CHRNA1: variants seen among roughly 807,000 people sequenced by gnomAD.
The protein encoded by CHRNA1 is cholinergic receptor nicotinic alpha 1 subunit, also known as acetylcholine receptor subunit alpha.
CHRNA1 carries 35 observed loss-of-function variants against 47.1 expected under a neutral mutation model. The ratio of observed to expected loss-of-function variants is 0.74; its 90% confidence interval spans 0.57 to 0.99. The LOEUF (loss-of-function observed/expected upper bound fraction) is 0.99, where lower values mean the gene tolerates loss of function less well. Ranked by LOEUF, CHRNA1 falls within the 50% of genes least tolerant of loss-of-function variation. The pLI, the probability that CHRNA1 is intolerant of heterozygous loss-of-function variation, is 0.00. For synonymous variants in CHRNA1, 229 were observed against 223.6 expected, an observed-to-expected ratio of 1.02 and a Z score of -0.22; for missense variants, 506 against 591.1, an observed-to-expected ratio of 0.86 and a Z score of 1.49.
chr2:174,762,067 C>G (rs534493637), intron 1 of CHRNA1, among the ~76,000 whole-genome samples: 1 of 152,326 alleles, frequency 6.6e-6, no homozygotes, highest in African/African-American at 2.4e-5. Context: ...ATGACAGAAG[C>G]AGACATAATC....
chr2:174,759,233 G>T, intron 3 of CHRNA1, 98 bp downstream of exon 3: 1 of 1,247,144 alleles, frequency 8.0e-7, no homozygotes, highest in Non-Finnish European at 1.2e-6. Context: ...TCAACATTTT[G>T]GTATATATCC....
rs1683766245 is a variant in CHRNA1 at position 174,748,055 on chromosome 2, A to C, written c.*69T>G. 1 of 1,599,330 alleles carries C rather than the reference A, an allele frequency of 6.3e-7. No individual in the cohort carries two copies. Among genetic ancestry groups the C allele is most frequent in the African/African-American group, 1.3e-5 (1 of 74,622 alleles). On this transcript the variant is annotated 3_prime_UTR_variant, in exon 9 of 9. Transcript: ENST00000348749. ...AAGTGCGAGTGGAGCAAGTAGACAA[A>C]TCTTCCTCTCCTGCCCTTCTCTGCT...
chr2:174,750,187 A>G lies in CHRNA1; in HGVS notation c.779-18T>C. ...CTTCTCCCCTGAAAAGACCAAAAAA[A>G]AAAAAAAAAATCCCACAACTACCCA... On this transcript the variant is annotated intron_variant, in intron 6 of 8. Coordinates refer to ENST00000348749, the MANE Select transcript of CHRNA1 (RefSeq NM_000079.4). 6.3e-7 allele frequency: 1 copy of G among 1,599,766 alleles called. No homozygotes were observed. Among genetic ancestry groups the G allele is most frequent in the African/African-American group, 1.3e-5 (1 of 74,688 alleles).
intron 1 of CHRNA1, 104 bp downstream of exon 1, chr2:174,764,248 G>T: frequency 8.2e-7 from 1 of 1,216,114 alleles, no homozygotes; most frequent in Non-Finnish European, 1.2e-6. Context: ...GGGAGGCTCT[G>T]CCATTCTGTG....
intron 5 of CHRNA1, 116 bp downstream of exon 5, chr2:174,754,103 T>C: frequency 2.0e-6 from 2 of 978,300 alleles, no homozygotes; most frequent in South Asian, 1.3e-5. Flanking sequence ...ACCATCAAAC[T>C]AGATGATTCC....
intron 4 of CHRNA1, among the ~76,000 whole-genome samples, chr2:174,756,375 G>C (rs1683980568): frequency 6.6e-6 from 1 of 152,142 alleles, no homozygotes; most frequent in African/African-American, 2.4e-5. Context: ...CATAAATCAA[G>C]AGGTTTTCTT....
At chr2:174,749,041 T>C (rs1018512733) in intron 7 of CHRNA1, among the ~76,000 whole-genome samples, 1 of 152,200 alleles carries the variant, frequency 6.6e-6, no homozygotes, top group African/African-American at 2.4e-5. Flanking sequence ...GATTCTGTAA[T>C]GTGAGAAGTT....
chr2:174,747,880 G>A lies in CHRNA1; in HGVS notation c.*244C>T. The A allele has an allele frequency of 2.1e-6, 1 of 483,652 alleles. No homozygotes were observed. The highest frequency in any genetic ancestry group is 3.7e-6 in the Non-Finnish European group (1 of 268,310). 30.0% of individuals were successfully genotyped at this position (483,652 alleles called of 1,614,324 possible). On this transcript the variant is annotated 3_prime_UTR_variant, in exon 9 of 9. Coordinates refer to ENST00000348749, the MANE Select transcript of CHRNA1 (RefSeq NM_000079.4). ...ACACTGGAAATGAACACTTTTTTTA[G>A]TGATTAGTTTCATTTACTAAAGAGG...
intron 7 of CHRNA1, 84 bp from the exon 8 acceptor site, chr2:174,748,903 T>G: frequency 6.4e-7 from 1 of 1,564,074 alleles, no homozygotes; most frequent in South Asian, 1.1e-5. Flanking sequence ...TCAATGTGAT[T>G]TGGGGTAAGT....
chr2:174,757,507 A>G (rs1684003692), intron 4 of CHRNA1, 59 bp downstream of exon 4: 1 of 1,224,456 alleles, frequency 8.2e-7, no homozygotes, highest in South Asian at 1.2e-5. Context: ...CCCTTCTATT[A>G]GGGCACTTTA....
chr2:174,757,337 G>A (rs1368230830), intron 4 of CHRNA1, among the ~76,000 whole-genome samples: 1 of 150,996 alleles, frequency 6.6e-6, no homozygotes, highest in Non-Finnish European at 1.5e-5. Flanking sequence ...TTTTAATTTT[G>A]TAGAGATGTT....
intron 1 of CHRNA1, 53 bp downstream of exon 1, chr2:174,764,299 G>C: frequency 6.3e-7 from 1 of 1,583,218 alleles, no homozygotes; most frequent in East Asian, 2.3e-5. Flanking sequence ...GGGGCCTCCA[G>C]CACTTTAGCC....
At chr2:174,760,064 G>A (rs1684073312) in intron 1 of CHRNA1, among the ~76,000 whole-genome samples, 1 of 152,150 alleles carries the variant, frequency 6.6e-6, no homozygotes, top group Non-Finnish European at 1.5e-5. Flanking sequence ...AGCCAAAATT[G>A]ATGCTGGTTC....
chr2:174,748,589 C>G lies in CHRNA1; in HGVS notation c.1233G>C (p.Glu411Asp), dbSNP rs61737716. 6.2e-7 allele frequency: 1 copy of G among 1,612,426 alleles called. No homozygotes were observed. The highest frequency in any genetic ancestry group is 8.5e-7 in the Non-Finnish European group (1 of 1,178,698). Residue 411 changes from glutamate to aspartate, a missense_variant, in exon 8 of 9, where the codon GAG (glutamate) becomes GAC (aspartate). By Grantham distance (45) the Glu-to-Asp change is conservative (BLOSUM62 2). Transcript: ENST00000348749. ...YIAETMKSDQESNNAAAEWKY... is the reference protein window; with the variant it reads ...YIAETMKSDQDSNNAAAEWKY... ...AAGCCACGAAGCTTACATTGTTAGA[C>G]TCCTGGTCTGACTTCATGGTCTCTG... is the stretch of plus-strand genomic sequence containing the variant.
intron 4 of CHRNA1, among the ~76,000 whole-genome samples, chr2:174,754,873 C>CCTACTACT (rs1284875906): frequency 1.3e-5 from 2 of 150,472 alleles, no homozygotes; most frequent in Admixed American, 1.3e-4. Flanking sequence ...AGGGAAGGGG[C>CCTACTACT]CTACTACTCT....
chr2:174,762,771 C>T (rs1442128012), intron 1 of CHRNA1, among the ~76,000 whole-genome samples: 1 of 152,180 alleles, frequency 6.6e-6, no homozygotes, highest in Non-Finnish European at 1.5e-5. Flanking sequence ...ATTTTGTCTA[C>T]AAAGGACTGA....
rs1684006081 is a variant in CHRNA1 at position 174,757,583 on chromosome 2, G to A, written c.327C>T (p.Asp109=). 2 of 1,613,802 alleles carry A rather than the reference G, an allele frequency of 1.2e-6. No individual in the cohort carries two copies. The highest frequency in any genetic ancestry group is 2.7e-5 in the African/African-American group (2 of 74,904). ...TTGCTCACTTGTTATAGAGAACAAG[G>A]TCTGGGCGCCAGATCTTTTCTGAAG... ...HIPSEKIWRP[D]LVLYNNADGD... is the part of the protein sequence containing the mutation. Residue 109 remains aspartate (D), a synonymous_variant, in exon 4 of 9, where the codon GAC becomes GAT. Transcript: ENST00000348749.
intron 7 of CHRNA1, among the ~76,000 whole-genome samples, chr2:174,749,063 G>A (rs532957352): frequency 4.1e-4 from 63 of 152,298 alleles, no homozygotes; most frequent in Admixed American, 7.2e-4. Context: ...GCCACTGGAG[G>A]GAGCCCATGT....
At chr2:174,751,406 C>T (rs756200302) in intron 6 of CHRNA1, among the ~76,000 whole-genome samples, 3 of 152,060 alleles carry the variant, frequency 2.0e-5, no homozygotes, top group Admixed American at 6.6e-5. Context: ...TGAAGCTGTC[C>T]CCTACTGGCT....
Sources: gnomAD v4.1 joint callset for allele counts (sites outside exome capture counted in the v4.1 genomes callset) on GRCh38, gnomAD v4.1.1 for gene constraint, MANE v1.5 for transcripts, NCBI Gene and HGNC (gene_info 2026-07-23, HGNC 2026-07-21) for gene names.